The following MCUB variants were observed in gnomAD, a reference collection of about 807,000 sequenced individuals.
The protein encoded by MCUB is mitochondrial calcium uniporter dominant negative subunit beta, also known as calcium uniporter regulatory subunit MCUb, mitochondrial.
MCUB carries 46 observed loss-of-function variants against 41.4 expected under a neutral mutation model. The ratio of observed to expected loss-of-function variants is 1.11; its 90% CI spans 0.88 to 1.42. MCUB has a LOEUF of 1.42. Ranked by LOEUF, MCUB falls within the 40% of genes most tolerant of loss-of-function variation. The pLI, the probability that MCUB is intolerant of heterozygous loss-of-function variation, is 0.00. For synonymous variants in MCUB, 148 were observed against 148.2 expected (o/e 1.00, Z 0.01); for missense variants, 403 against 404.9 (o/e 1.00, Z 0.04).
intron 1 of MCUB, among the ~76,000 whole-genome samples, chr4:109,581,590 C>T (rs1201255542): frequency 2.0e-5 from 3 of 152,158 alleles, no homozygotes; most frequent in East Asian, 1.9e-4. Flanking sequence ...TCAGAGTGAA[C>T]AGGCAACCTA....
At chr4:109,601,198 G>A (rs1197250461) in intron 1 of MCUB, among the ~76,000 whole-genome samples, 2 of 152,294 alleles carry the variant, frequency 1.3e-5, no homozygotes, top group East Asian at 3.9e-4. Context: ...GGCATGCAGT[G>A]TGTAATAATC....
chr4:109,578,624 C>G (rs1727090366), intron 1 of MCUB, among the ~76,000 whole-genome samples: 1 of 152,136 alleles, frequency 6.6e-6, no homozygotes. Context: ...CTCAGTCTCC[C>G]AGATAGCTGG....
At chr4:109,599,184 A>T (rs1018892313) in intron 1 of MCUB, among the ~76,000 whole-genome samples, 5 of 152,204 alleles carry the variant, frequency 3.3e-5, no homozygotes, top group Admixed American at 1.3e-4. Flanking sequence ...GGTTAAGTTG[A>T]AGCCTTACTT....
intron 1 of MCUB, among the ~76,000 whole-genome samples, chr4:109,615,986 A>C (rs1280167789): frequency 2.0e-5 from 3 of 152,204 alleles, no homozygotes; most frequent in African/African-American, 7.2e-5. Context: ...GGACAAGAAA[A>C]GGAAGTACCT....
intron 1 of MCUB, 76 bp downstream of exon 1, chr4:109,560,512 C>T (rs778184912): frequency 4.2e-6 from 3 of 711,530 alleles, no homozygotes; most frequent in Non-Finnish European, 5.9e-6. Context: ...TTGGCGGGAG[C>T]AAAAGCCGAG....
At chr4:109,616,507 A>G (rs937372321) in intron 1 of MCUB, among the ~76,000 whole-genome samples, 1 of 152,116 alleles carries the variant, frequency 6.6e-6, no homozygotes, top group Non-Finnish European at 1.5e-5. Flanking sequence ...AAATCTTGTC[A>G]TCCTCCCCTT....
At chr4:109,642,095 G>A (rs1456739555) in intron 1 of MCUB, among the ~76,000 whole-genome samples, 1 of 152,144 alleles carries the variant, frequency 6.6e-6, no homozygotes, top group Non-Finnish European at 1.5e-5. Context: ...TGCATTTTTG[G>A]AGTTGTTTTT....
intron 1 of MCUB, among the ~76,000 whole-genome samples, chr4:109,563,789 A>G (rs1180730580): frequency 6.6e-6 from 1 of 152,230 alleles, no homozygotes; most frequent in African/African-American, 2.4e-5. Flanking sequence ...TGTGAAACTA[A>G]GGTAGAAAAC....
At chr4:109,618,174 T>A (rs1480012171) in intron 1 of MCUB, among the ~76,000 whole-genome samples, 2 of 152,212 alleles carry the variant, frequency 1.3e-5, no homozygotes, top group Non-Finnish European at 2.9e-5. Context: ...GCTGAGCCTG[T>A]ATACCCAGTG....
intron 7 of MCUB, 108 bp from the exon 8 acceptor site, chr4:109,687,407 A>T (rs900650129): frequency 4.2e-6 from 3 of 718,534 alleles, no homozygotes; most frequent in African/African-American, 3.6e-5. Flanking sequence ...TAGTTTAAAC[A>T]TTTTATTGCT....
intron 1 of MCUB, among the ~76,000 whole-genome samples, chr4:109,636,969 G>T (rs2126139434): frequency 6.6e-6 from 1 of 152,300 alleles, no homozygotes; most frequent in East Asian, 1.9e-4. Context: ...AGTAATTTTA[G>T]TGAAATGATG....
At chr4:109,681,213 A>G (rs1729708520) in intron 4 of MCUB, among the ~76,000 whole-genome samples, 1 of 152,206 alleles carries the variant, frequency 6.6e-6, no homozygotes, top group Non-Finnish European at 1.5e-5. Flanking sequence ...ACCTCAGCTG[A>G]TAGAGCATCT....
At chr4:109,634,484 A>G (rs1485973796) in intron 1 of MCUB, among the ~76,000 whole-genome samples, 2 of 90,328 alleles carry the variant, frequency 2.2e-5, no homozygotes, top group Non-Finnish European at 4.7e-5. Flanking sequence ...ACTCTGTCTC[A>G]GAAAAAAAAA....
At chr4:109,566,037 G>T (rs1375503354) in intron 1 of MCUB, among the ~76,000 whole-genome samples, 1 of 151,388 alleles carries the variant, frequency 6.6e-6, no homozygotes, top group Admixed American at 6.6e-5. Context: ...GTTTGTTTTT[G>T]TAGAGACAAG....
intron 1 of MCUB, among the ~76,000 whole-genome samples, chr4:109,599,543 C>T (rs1280500281): frequency 6.6e-6 from 1 of 152,082 alleles, no homozygotes; most frequent in Non-Finnish European, 1.5e-5. Context: ...ATGTTTTTTG[C>T]TGGATCCTGT....
At chr4:109,562,598 C>A (rs1726667401) in intron 1 of MCUB, among the ~76,000 whole-genome samples, 1 of 152,096 alleles carries the variant, frequency 6.6e-6, no homozygotes, top group Admixed American at 6.5e-5. Context: ...AGTATTATTT[C>A]TATTTATTTT....
chr4:109,664,249 C>G lies in MCUB; in HGVS notation c.347-41C>G, dbSNP rs201030148. 9.8e-5 allele frequency: 96 copies of G among 980,712 alleles called. No individual in the cohort carries two copies. In the East Asian group the frequency reaches 2.1e-3, roughly 21 times the overall value. The allele number at this position is 980,712 out of a possible 1,614,324, so 60.8% of individuals were successfully genotyped here. A position where few individuals can be genotyped will look rare whatever the true frequency, so the allele number is the denominator to read the frequency against. ...GTGTTGGAAAATGGTTCTTACTGTT[C>G]TAAAACAAAGACATGCTCATGCATG... On this transcript the variant is annotated intron_variant, in intron 3 of 7. Transcript: ENST00000394650.
At chr4:109,598,704 T>C (rs1401332835) in intron 1 of MCUB, among the ~76,000 whole-genome samples, 1 of 152,200 alleles carries the variant, frequency 6.6e-6, no homozygotes, top group Admixed American at 6.5e-5. Context: ...ATTTTTCTTA[T>C]TGCTGGTGAG....
chr4:109,574,889 G>T (rs1009569904), intron 1 of MCUB, among the ~76,000 whole-genome samples: 16 of 152,182 alleles, frequency 1.1e-4, no homozygotes, highest in African/African-American at 3.6e-4. Flanking sequence ...CAGGGACAGA[G>T]AATCCAACCC....
Sources: allele counts gnomAD v4.1 joint callset (sites outside exome capture counted in the v4.1 genomes callset), GRCh38; gene constraint gnomAD v4.1.1; transcripts MANE v1.5; gene names NCBI Gene and HGNC (gene_info 2026-07-23, HGNC 2026-07-21).